Variants in ERC1 observed in about 807,000 individuals in gnomAD.
The protein encoded by ERC1 is RAB6 interacting protein 2.
Under a neutral mutation model 132.0 loss-of-function variants are expected in ERC1, and 56 were observed. The observed-to-expected ratio is 0.42, with a 90% CI of 0.34 to 0.53. The LOEUF (loss-of-function observed/expected upper bound fraction) is 0.53. Ranked by LOEUF, ERC1 falls within the 20% of genes least tolerant of loss-of-function variation. The pLI is 0.03. For synonymous variants in ERC1, 478 were observed against 476.1 expected (o/e 1.00, Z -0.05); for missense variants, 1,202 against 1,349.9 (o/e 0.89, Z 1.72).
chr12:1,444,721 A>C lies in ERC1; in HGVS notation c.3184A>C (p.Asn1062His). Reference protein sequence around the residue: ...NLDDDQAAWENELQKMTRGQL... With the variant: ...NLDDDQAAWEHELQKMTRGQL... Reference sequence around the variant, plus strand: ...GGACGATGACCAGGCGGCTTGGGAGAATGAGCTGCAGAAGATGACCCGGGG... The same window carrying C: ...GGACGATGACCAGGCGGCTTGGGAGCATGAGCTGCAGAAGATGACCCGGGG... Residue 1062 changes from asparagine (N) to histidine (H), a missense_variant, in exon 18 of 19, where the codon AAT (asparagine) becomes CAT (histidine). Physicochemically the swap from Asn to His is moderately conservative, Grantham distance 68 (BLOSUM62 1). Coordinates refer to ENST00000360905, the MANE Select transcript of ERC1 (RefSeq NM_178040.4). 1 of 1,613,872 alleles carries C rather than the reference A, an allele frequency of 6.2e-7. No homozygotes were observed. Among genetic ancestry groups the C allele is most frequent in the South Asian group, 1.1e-5 (1 of 91,018 alleles).
chr12:1,435,691 G>A (rs1402916350), intron 17 of ERC1, among the ~76,000 whole-genome samples: 1 of 152,096 alleles, frequency 6.6e-6, no homozygotes, highest in Non-Finnish European at 1.5e-5. Flanking sequence ...TCTGGACTTC[G>A]TGCCCCCGTG....
At chr12:1,378,393 A>C (rs10848467) in intron 16 of ERC1, among the ~76,000 whole-genome samples, 2 of 151,786 alleles carry the variant, frequency 1.3e-5, no homozygotes, top group Non-Finnish European at 2.9e-5. Context: ...AAGACGTACT[A>C]ATAATCTAAT....
At chr12:1,053,332 C>T (rs1273794738) in intron 2 of ERC1, among the ~76,000 whole-genome samples, 10 of 152,136 alleles carry the variant, frequency 6.6e-5, no homozygotes, top group Admixed American at 3.9e-4. Flanking sequence ...CCTAGCTTTT[C>T]GTTATGCATT....
At chr12:995,984 T>C (rs1960756445) in intron 1 of ERC1, among the ~76,000 whole-genome samples, 1 of 152,144 alleles carries the variant, frequency 6.6e-6, no homozygotes, top group Non-Finnish European at 1.5e-5. Flanking sequence ...TAAGAGAGAA[T>C]TCTGCTTGAT....
At chr12:995,260 A>G (rs1960591589) in intron 1 of ERC1, among the ~76,000 whole-genome samples, 1 of 152,162 alleles carries the variant, frequency 6.6e-6, no homozygotes, top group South Asian at 2.1e-4. Context: ...AGGCTATCTC[A>G]AATAAATAAT....
At chr12:1,154,259 G>GTATATGTATATGTATA (rs770106648) in intron 8 of ERC1, among the ~76,000 whole-genome samples, 18 of 137,210 alleles carry the variant, frequency 1.3e-4, no homozygotes, top group South Asian at 1.1e-3. Flanking sequence ...ATATGTATAT[G>GTATATGTATATGTATA]TGTATATATA....
chr12:1,242,631 G>C (rs1411809306), intron 13 of ERC1, among the ~76,000 whole-genome samples: 4 of 152,112 alleles, frequency 2.6e-5, no homozygotes, highest in Admixed American at 2.6e-4. Flanking sequence ...GTCTCTAAAG[G>C]TTGTGAGCAT....
chr12:1,198,781 G>C (rs1387813132), intron 12 of ERC1, among the ~76,000 whole-genome samples: 1 of 152,146 alleles, frequency 6.6e-6, no homozygotes, highest in African/African-American at 2.4e-5. Flanking sequence ...AGGAGAGAGA[G>C]AGCCAGCAAA....
chr12:1,083,075 G>A (rs994873154), intron 2 of ERC1, 89 bp from the exon 3 acceptor site: 3 of 1,090,444 alleles, frequency 2.8e-6, no homozygotes, highest in African/African-American at 1.6e-5. Context: ...CAGATTTCTT[G>A]TAGCTATTTT....
At chr12:1,315,500 G>A (rs7316388) in intron 15 of ERC1, among the ~76,000 whole-genome samples, 5 of 151,940 alleles carry the variant, frequency 3.3e-5, no homozygotes, top group South Asian at 2.1e-4. Context: ...ACAGGTGCCC[G>A]CCACAACGCC....
chr12:1,096,336 T>A (rs775174326), intron 3 of ERC1, among the ~76,000 whole-genome samples: 18 of 152,230 alleles, frequency 1.2e-4, no homozygotes, highest in Non-Finnish European at 2.1e-4. Flanking sequence ...TGTTATTTTT[T>A]AAAAAATGCA....
chr12:1,213,064 C>A (rs192122494), intron 12 of ERC1, among the ~76,000 whole-genome samples: 1 of 152,292 alleles, frequency 6.6e-6, no homozygotes, highest in African/African-American at 2.4e-5. Flanking sequence ...TCTAGTAATC[C>A]CGATTCTGCC....
intron 1 of ERC1, among the ~76,000 whole-genome samples, chr12:1,015,576 T>G (rs1000434257): frequency 1.3e-5 from 2 of 152,206 alleles, no homozygotes; most frequent in Non-Finnish European, 2.9e-5. Flanking sequence ...GGAGAATATT[T>G]TTTAAAGTGA....
chr12:1,368,794 G>C (rs1264266634), intron 15 of ERC1, among the ~76,000 whole-genome samples: 3 of 152,072 alleles, frequency 2.0e-5, no homozygotes, highest in Non-Finnish European at 4.4e-5. Context: ...AAACCTAAAA[G>C]CTAGTATACC....
At chr12:1,418,617 TTCTTTCTTTC>T (rs1372389499) in intron 17 of ERC1, among the ~76,000 whole-genome samples, 28 of 112,844 alleles carry the variant, frequency 2.5e-4, no homozygotes, top group Non-Finnish European at 3.8e-4. Flanking sequence ...CTTTCTTTCT[TTCTTTCTTTC>T]TTTCTTTCTT....
At chr12:1,188,261 C>T (rs1380464847) in intron 11 of ERC1, among the ~76,000 whole-genome samples, 1 of 152,136 alleles carries the variant, frequency 6.6e-6, no homozygotes. Flanking sequence ...TCTTCAATCT[C>T]TTCGCCTTTG....
chr12:1,115,008 T>C (rs1000211072), intron 6 of ERC1, among the ~76,000 whole-genome samples: 2 of 152,212 alleles, frequency 1.3e-5, no homozygotes, highest in African/African-American at 4.8e-5. Context: ...CATTCAAGTT[T>C]TTGAAAATGA....
At chr12:995,387 G>A in intron 1 of ERC1, among the ~76,000 whole-genome samples, 1 of 152,172 alleles carries the variant, frequency 6.6e-6, no homozygotes, top group Non-Finnish European at 1.5e-5. Context: ...TATTTTGAGG[G>A]TAGACCTATA....
intron 13 of ERC1, among the ~76,000 whole-genome samples, chr12:1,250,278 A>G (rs189528327): frequency 3.5e-4 from 53 of 152,250 alleles, no homozygotes; most frequent in African/African-American, 1.1e-3. Flanking sequence ...TCTGCCTTCA[A>G]ATTAACTTTT....
Sources: gnomAD v4.1 joint callset for allele counts (sites outside exome capture counted in the v4.1 genomes callset) on GRCh38, gnomAD v4.1.1 for gene constraint, MANE v1.5 for transcripts, NCBI Gene and HGNC (gene_info 2026-07-23, HGNC 2026-07-21) for gene names.